The following CCDC141 variants were observed in gnomAD, a reference collection of about 807,000 sequenced individuals.
The protein encoded by CCDC141 is coiled-coil domain-containing protein 141.
A neutral mutation model predicts 181.0 loss-of-function variants in CCDC141; 168 were observed. The ratio of observed to expected loss-of-function variants is 0.93; its 90% CI spans 0.82 to 1.05. CCDC141 has a LOEUF of 1.05. Among genes scored for constraint, CCDC141 ranks in the 50% least tolerant of loss-of-function variants. The pLI is 0.00. For synonymous variants in CCDC141, 666 were observed against 642.3 expected (o/e 1.04, Z -0.56); for missense variants, 1,902 against 1,788.5 (o/e 1.06, Z -1.14).
Position 178,961,595 on chromosome 2 carries a change from C to A in CCDC141, c.527-112G>T, listed in dbSNP as rs1295883022. The A allele has an allele frequency of 4.4e-6, 4 of 908,478 alleles. No homozygotes were observed. In the African/African-American group the frequency reaches 6.7e-5, roughly 15 times the overall value. 56.3% of individuals were successfully genotyped at this position (908,478 alleles called of 1,614,324 possible). On this transcript the variant is annotated intron_variant, in intron 4 of 23. Transcript: ENST00000443758. ...ATGTAATTTTTATGTTAATAAAAAA[C>A]AAGTTGTGCTGCAAGGAATTAAAAT...
intron 7 of CCDC141, among the ~76,000 whole-genome samples, chr2:178,908,192 T>G (rs1688063182): frequency 6.6e-6 from 1 of 152,068 alleles, no homozygotes; most frequent in Admixed American, 6.5e-5. Flanking sequence ...AGGGTTAGGT[T>G]TTTTGTTTTG....
In CCDC141 at chr2:178,837,254, C is replaced by T; in HGVS notation, c.3965G>A (p.Ser1322Asn). Residue 1322 changes from serine (S) to asparagine (N), a missense_variant, in exon 23 of 24, where the codon AGC becomes AAC. Physicochemically the swap from Ser to Asn is conservative, Grantham distance 46 (BLOSUM62 1). Coordinates refer to ENST00000443758, the MANE Select transcript of CCDC141 (RefSeq NM_173648.4). ...TCTCTCATGCACTTCACTCATCATG[C>T]TCTCTGGATGTTCAGCACTGATTCT... ...LHRISAEHPE[S>N]MMSEVHERAL... The T allele has an allele frequency of 6.2e-7, 1 of 1,614,120 alleles. No individual in the cohort carries two copies. The highest frequency in any genetic ancestry group is 8.5e-7 in the Non-Finnish European group (1 of 1,180,004).
At chr2:178,922,582 G>A (rs1688739608) in intron 6 of CCDC141, among the ~76,000 whole-genome samples, 1 of 152,156 alleles carries the variant, frequency 6.6e-6, no homozygotes, top group African/African-American at 2.4e-5. Context: ...CGCTATTTCA[G>A]AATAAACACA....
chr2:179,044,406 T>C (rs1204263953), intron 2 of CCDC141, among the ~76,000 whole-genome samples: 1 of 152,216 alleles, frequency 6.6e-6, no homozygotes, highest in Non-Finnish European at 1.5e-5. Flanking sequence ...CTTCAAACTA[T>C]ACTACAGGAA....
Position 178,978,525 on chromosome 2 carries a change from G to C in CCDC141, c.376C>G (p.Leu126Val), listed in dbSNP as rs1056727864. The C allele has an allele frequency of 6.5e-7, 1 of 1,533,686 alleles. No homozygotes were observed. The highest frequency in any genetic ancestry group is 2.1e-5 in the Admixed American group (1 of 46,978). ...AAAAATTCAGAAGTCAACCTAAGGA[G>C]CTCTGTTCTTCTTTCAAGCATGGAC... ...LVSMLERRTELLRLTSEFFEN... is the reference protein window; with the variant it reads ...LVSMLERRTEVLRLTSEFFEN... Residue 126 changes from leucine to valine, a missense_variant, in exon 3 of 24, where the codon CTC becomes GTC. Physicochemically the swap from Leu to Val is conservative, Grantham distance 32. Coordinates refer to ENST00000443758, the MANE Select transcript of CCDC141 (RefSeq NM_173648.4).
intron 11 of CCDC141, among the ~76,000 whole-genome samples, chr2:178,880,635 GT>G (rs1466069378): frequency 6.6e-6 from 1 of 152,164 alleles, no homozygotes; most frequent in African/African-American, 2.4e-5. Flanking sequence ...CAGCTTTGAT[GT>G]TTGCTAGTGC....
At chr2:178,871,690 G>A in intron 13 of CCDC141, 138 bp from the exon 14 acceptor site, 5 of 984,000 alleles carry the variant, frequency 5.1e-6, no homozygotes, top group Non-Finnish European at 7.4e-6. Context: ...TGAGCTCAGG[G>A]TTCTAAACCA....
intron 6 of CCDC141, among the ~76,000 whole-genome samples, chr2:178,942,428 A>C (rs1321173795): frequency 6.6e-6 from 1 of 152,210 alleles, no homozygotes; most frequent in Non-Finnish European, 1.5e-5. Flanking sequence ...GATTCTAACT[A>C]CATGACATTC....
At chr2:178,965,981 A>G (rs1260370764) in intron 4 of CCDC141, among the ~76,000 whole-genome samples, 3 of 152,314 alleles carry the variant, frequency 2.0e-5, no homozygotes, top group Non-Finnish European at 4.4e-5. Flanking sequence ...CAGTTTTACA[A>G]TCACAGTGTA....
In CCDC141 at chr2:178,982,787, A is replaced by G. The variant is rs1054914125; in HGVS notation, c.226-4112T>C. Reference sequence around the variant, plus strand: ...TTAAAAAAAGGCGCACCACGAGATTATATCCCGCACCTGGCTCGGAGGGTC... The same window carrying G: ...TTAAAAAAAGGCGCACCACGAGATTGTATCCCGCACCTGGCTCGGAGGGTC... On this transcript the variant is annotated intron_variant, in intron 2 of 23. Coordinates refer to ENST00000443758, the MANE Select transcript of CCDC141 (RefSeq NM_173648.4). Among the ~76,000 whole-genome samples the G allele has an allele frequency of 2.0e-5, 3 of 152,292 alleles. No homozygotes were observed. In the Middle Eastern group the frequency reaches 0.01, roughly 518 times the overall value.
rs977139152 is a variant in CCDC141 at position 178,833,204 on chromosome 2, G to A, written c.*969C>T. The stretch of plus-strand genomic sequence containing the variant: ...AACAGCATCTAAAAAAAAAGAAATA[G>A]TGAGCAGGAGGCCGGTCTGATGACA... On this transcript the variant is annotated 3_prime_UTR_variant, in exon 24 of 24. Coordinates refer to ENST00000443758, the MANE Select transcript of CCDC141 (RefSeq NM_173648.4). The A allele has an allele frequency of 2.6e-5, 4 of 152,110 alleles. No homozygotes were observed. The highest frequency in any genetic ancestry group is 9.7e-5 in the African/African-American group (4 of 41,414). The allele number at this position is 152,110 out of a possible 1,614,324, so 9.4% of individuals were successfully genotyped here.
chr2:178,920,800 G>A (rs995509874), intron 6 of CCDC141, among the ~76,000 whole-genome samples: 2 of 152,120 alleles, frequency 1.3e-5, no homozygotes. Flanking sequence ...ATTTTGTGGT[G>A]TCCATGGAAA....
intron 2 of CCDC141, among the ~76,000 whole-genome samples, chr2:179,009,828 G>T (rs1217775563): frequency 6.6e-6 from 1 of 152,224 alleles, no homozygotes; most frequent in South Asian, 2.1e-4. Context: ...AAAGAATTCA[G>T]GAGGTTACTT....
intron 8 of CCDC141, among the ~76,000 whole-genome samples, chr2:178,898,458 C>A (rs915903471): frequency 6.6e-6 from 1 of 152,156 alleles, no homozygotes; most frequent in African/African-American, 2.4e-5. Context: ...ACTAAGACAA[C>A]TGTTATTACA....
chr2:179,044,628 A>G (rs911739590), intron 2 of CCDC141, among the ~76,000 whole-genome samples: 10 of 152,204 alleles, frequency 6.6e-5, no homozygotes, highest in Admixed American at 6.5e-4. Flanking sequence ...TGGACTGGGA[A>G]ATGCTGGCTG....
At chr2:179,027,240 C>G (rs2042872127) in intron 2 of CCDC141, among the ~76,000 whole-genome samples, 1 of 152,130 alleles carries the variant, frequency 6.6e-6, no homozygotes, top group African/African-American at 2.4e-5. Flanking sequence ...CCACAATTCC[C>G]ACACGTCATG....
At chr2:179,028,499 A>C (rs1264926523) in intron 2 of CCDC141, among the ~76,000 whole-genome samples, 1 of 152,198 alleles carries the variant, frequency 6.6e-6, no homozygotes, top group Non-Finnish European at 1.5e-5. Context: ...GCTCCCCTGA[A>C]ACTATTTTAG....
At chr2:178,975,745 A>G (rs1372464101) in intron 3 of CCDC141, among the ~76,000 whole-genome samples, 1 of 152,182 alleles carries the variant, frequency 6.6e-6, no homozygotes, top group Non-Finnish European at 1.5e-5. Flanking sequence ...AAAAATATAT[A>G]TTTGTATAGA....
At chr2:178,999,546 A>T (rs1206289175) in intron 2 of CCDC141, among the ~76,000 whole-genome samples, 1 of 152,160 alleles carries the variant, frequency 6.6e-6, no homozygotes, top group Admixed American at 6.6e-5. Context: ...GAATCTTTCC[A>T]TGCTGCCAAT....
Sources: allele counts gnomAD v4.1 joint callset (sites outside exome capture counted in the v4.1 genomes callset), GRCh38; gene constraint gnomAD v4.1.1; transcripts MANE v1.5; gene names NCBI Gene and HGNC (gene_info 2026-07-23, HGNC 2026-07-21).